The following STXBP5 variants were observed in gnomAD, a reference collection of about 807,000 sequenced individuals.
The protein encoded by STXBP5 is syntaxin binding protein 5.
In STXBP5, 50 loss-of-function variants were observed where a neutral mutation model predicts 152.4. The observed-to-expected ratio is 0.33, with a 90% confidence interval of 0.26 to 0.42. The LOEUF (loss-of-function observed/expected upper bound fraction) is 0.42. Ranked by LOEUF, STXBP5 falls within the 10% of genes least tolerant of loss-of-function variation. STXBP5 has a pLI of 1.00. For missense variants in STXBP5, 1,167 were observed against 1,388.6 expected, an observed-to-expected ratio of 0.84 and a Z score of 2.54; for synonymous variants, 492 against 494.7, an observed-to-expected ratio of 0.99 and a Z score of 0.07.
chr6:147,370,794 A>G (rs1048236383), intron 25 of STXBP5, among the ~76,000 whole-genome samples: 7 of 152,054 alleles, frequency 4.6e-5, no homozygotes, highest in African/African-American at 1.7e-4. Flanking sequence ...TTGTGTATTC[A>G]GTATGAAGTT....
At chr6:147,244,579 T>A (rs1384690901) in intron 4 of STXBP5, among the ~76,000 whole-genome samples, 3 of 152,204 alleles carry the variant, frequency 2.0e-5, no homozygotes, top group African/African-American at 7.2e-5. Flanking sequence ...TAATTGAAAA[T>A]GTTTTGTGAA....
intron 2 of STXBP5, among the ~76,000 whole-genome samples, chr6:147,210,599 A>G (rs1330985227): frequency 2.0e-5 from 3 of 152,174 alleles, no homozygotes; most frequent in Non-Finnish European, 4.4e-5. Context: ...CTAAATGCCC[A>G]TGTTGCCTCC....
At chr6:147,320,547 A>T (rs553213475) in intron 16 of STXBP5, among the ~76,000 whole-genome samples, 2 of 101,990 alleles carry the variant, frequency 2.0e-5, no homozygotes, top group African/African-American at 7.6e-5. Flanking sequence ...AGTCCTGCTA[A>T]TTTGAGTGTG....
chr6:147,360,531 AT>A (rs1224032798), intron 23 of STXBP5, among the ~76,000 whole-genome samples: 3 of 151,996 alleles, frequency 2.0e-5, no homozygotes, highest in African/African-American at 7.2e-5. Flanking sequence ...ATGTAAGAAA[AT>A]TTTTTTTAAA....
At chr6:147,264,372 T>C (rs1014202715) in intron 6 of STXBP5, among the ~76,000 whole-genome samples, 11 of 152,132 alleles carry the variant, frequency 7.2e-5, no homozygotes, top group Non-Finnish European at 1.5e-4. Flanking sequence ...CCACTTTATA[T>C]ACACGATTTC....
chr6:147,352,023 A>T (rs947242402), intron 21 of STXBP5: 2 of 214,630 alleles, frequency 9.3e-6, no homozygotes, highest in African/African-American at 4.7e-5. Flanking sequence ...TACCACTAAC[A>T]TAATAGATAT....
At chr6:147,289,262 T>G (rs1781154420) in intron 8 of STXBP5, among the ~76,000 whole-genome samples, 1 of 152,202 alleles carries the variant, frequency 6.6e-6, no homozygotes, top group Non-Finnish European at 1.5e-5. Flanking sequence ...CCTATGATAT[T>G]CACTGTATCA....
chr6:147,251,861 T>A (rs1261203169), intron 4 of STXBP5, among the ~76,000 whole-genome samples: 1 of 152,196 alleles, frequency 6.6e-6, no homozygotes, highest in East Asian at 1.9e-4. Context: ...TGGGTGCCCC[T>A]TCTGGGATGA....
chr6:147,376,725 C>T (rs1249798920), intron 26 of STXBP5, among the ~76,000 whole-genome samples: 1 of 152,006 alleles, frequency 6.6e-6, no homozygotes, highest in Non-Finnish European at 1.5e-5. Context: ...GCAGGAGCAT[C>T]ACTTGAGCCC....
At chr6:147,298,480 T>A (rs1319580178) in intron 9 of STXBP5, among the ~76,000 whole-genome samples, 1 of 152,112 alleles carries the variant, frequency 6.6e-6, no homozygotes, top group Admixed American at 6.6e-5. Flanking sequence ...GTAGACGAAG[T>A]GGATCTAACA....
chr6:147,241,839 C>T (rs931230563), intron 4 of STXBP5, among the ~76,000 whole-genome samples: 3 of 152,034 alleles, frequency 2.0e-5, no homozygotes, highest in African/African-American at 7.2e-5. Context: ...TATTGTGCTA[C>T]CAGTTGTCTA....
intron 19 of STXBP5, among the ~76,000 whole-genome samples, chr6:147,338,828 C>G (rs1210264596): frequency 6.6e-6 from 1 of 151,670 alleles, no homozygotes; most frequent in Non-Finnish European, 1.5e-5. Context: ...AAACCTTATT[C>G]AGTTAATACT....
At chr6:147,254,600 A>G (rs537772458) in intron 4 of STXBP5, among the ~76,000 whole-genome samples, 1 of 152,358 alleles carries the variant, frequency 6.6e-6, no homozygotes, top group Admixed American at 6.5e-5. Flanking sequence ...TTTACAAGAA[A>G]AAAACAACCC....
chr6:147,245,909 C>T (rs1461308680), intron 4 of STXBP5, among the ~76,000 whole-genome samples: 1 of 152,170 alleles, frequency 6.6e-6, no homozygotes, highest in African/African-American at 2.4e-5. Context: ...GAGAGGGCAG[C>T]GCCCTGCTGA....
At chr6:147,237,388 A>G (rs1778331292) in intron 3 of STXBP5, among the ~76,000 whole-genome samples, 1 of 151,676 alleles carries the variant, frequency 6.6e-6, no homozygotes, top group African/African-American at 2.4e-5. Context: ...GGAAAACTAT[A>G]TACTGTATAG....
chr6:147,283,538 G>T (rs1363650070), intron 8 of STXBP5, among the ~76,000 whole-genome samples: 1 of 152,160 alleles, frequency 6.6e-6, no homozygotes, highest in Non-Finnish European at 1.5e-5. Context: ...CCTCCCCTAT[G>T]TGAGCTCCCA....
In STXBP5 at chr6:147,218,842, A is replaced by C. The variant is rs182261462; in HGVS notation, c.248+12774A>C. 1.3e-4 allele frequency among the ~76,000 whole-genome samples: 20 copies of C among 152,282 alleles called. No individual in the cohort carries two copies. In the East Asian group the frequency reaches 3.5e-3, roughly 26 times the overall value. ...GCTATAATCACATATTGGTTGCAGG[A>C]GTTTTTCTGTTCATTCTTTCTGATA... On this transcript the variant is annotated intron_variant, in intron 2 of 27. Transcript: ENST00000321680.
intron 4 of STXBP5, among the ~76,000 whole-genome samples, chr6:147,239,767 G>A (rs552758331): frequency 6.6e-6 from 1 of 152,200 alleles, no homozygotes; most frequent in African/African-American, 2.4e-5. Context: ...GTGATGTTAT[G>A]TTACATATGT....
intron 2 of STXBP5, among the ~76,000 whole-genome samples, chr6:147,208,739 T>C (rs1203860000): frequency 6.6e-6 from 1 of 152,132 alleles, no homozygotes; most frequent in African/African-American, 2.4e-5. Flanking sequence ...GACTGATGAA[T>C]ATCTTCCTAA....
Sources: allele counts gnomAD v4.1 joint callset (sites outside exome capture counted in the v4.1 genomes callset), GRCh38; gene constraint gnomAD v4.1.1; transcripts MANE v1.5; gene names NCBI Gene and HGNC (gene_info 2026-07-23, HGNC 2026-07-21).